CDH19: variants seen among roughly 807,000 people sequenced by gnomAD.
The protein encoded by CDH19 is cadherin 19.
In CDH19, 67 loss-of-function variants were observed where a neutral mutation model predicts 64.2. The ratio of observed to expected loss-of-function variants is 1.04; its 90% CI spans 0.86 to 1.28. The LOEUF is 1.28. Among genes scored for constraint, CDH19 ranks in the 50% most tolerant of loss-of-function variants. CDH19 has a pLI of 0.00. For synonymous variants in CDH19, 346 were observed against 319.3 expected, an observed-to-expected ratio of 1.08 and a Z score of -0.89; for missense variants, 1,030 against 929.0, an observed-to-expected ratio of 1.11 and a Z score of -1.41.
At chr18:66,588,943 C>T (rs1988662225) in intron 1 of CDH19, among the ~76,000 whole-genome samples, 2 of 151,318 alleles carry the variant, frequency 1.3e-5, no homozygotes, top group African/African-American at 2.4e-5. Context: ...ACAAATAATG[C>T]TTCCTACTTC....
chr18:66,511,049 C>G (rs1985457424), intron 10 of CDH19, among the ~76,000 whole-genome samples: 1 of 151,660 alleles, frequency 6.6e-6, no homozygotes, highest in South Asian at 2.1e-4. Flanking sequence ...AATTCTGCCC[C>G]TACAAAAAGT....
chr18:66,538,109 T>C (rs979974224), intron 7 of CDH19, among the ~76,000 whole-genome samples: 3 of 152,108 alleles, frequency 2.0e-5, no homozygotes, highest in Non-Finnish European at 4.4e-5. Context: ...CCCTAAATAG[T>C]ATCCATGTAA....
At chr18:66,525,263 A>T (rs1986176123) in intron 9 of CDH19, among the ~76,000 whole-genome samples, 1 of 152,082 alleles carries the variant, frequency 6.6e-6, no homozygotes, top group Admixed American at 6.6e-5. Context: ...TTTAAAAACT[A>T]CTTATACAGA....
chr18:66,508,964 A>G (rs1371513505), intron 11 of CDH19, 31 bp downstream of exon 11: 1 of 1,592,510 alleles, frequency 6.3e-7, no homozygotes, highest in East Asian at 2.3e-5. Flanking sequence ...TCATAATGCA[A>G]ATGAGAATAG....
At chr18:66,572,855 C>T (rs1044900804) in intron 1 of CDH19, among the ~76,000 whole-genome samples, 1 of 151,632 alleles carries the variant, frequency 6.6e-6, no homozygotes, top group Non-Finnish European at 1.5e-5. Context: ...TACTATAAAA[C>T]ACTGAATAGA....
intron 3 of CDH19, among the ~76,000 whole-genome samples, chr18:66,559,216 T>A (rs1166868499): frequency 6.6e-6 from 1 of 152,014 alleles, no homozygotes; most frequent in African/African-American, 2.4e-5. Context: ...AATTTTTTTA[T>A]ATAAAGGAGA....
At chr18:66,560,172 A>T (rs1463281538) in intron 3 of CDH19, among the ~76,000 whole-genome samples, 1 of 152,134 alleles carries the variant, frequency 6.6e-6, no homozygotes, top group East Asian at 1.9e-4. Context: ...ACTAATAACG[A>T]GCAAACGCCT....
intron 2 of CDH19, 128 bp from the exon 3 acceptor site, chr18:66,568,838 T>C: frequency 1.4e-6 from 1 of 703,374 alleles, no homozygotes; most frequent in Non-Finnish European, 2.3e-6. Context: ...CCACATTACA[T>C]TAAATGAGGC....
Position 66,572,244 on chromosome 18 carries a change from G to C in CDH19, c.-40C>G. 3 of 1,493,846 alleles carry C rather than the reference G, an allele frequency of 2.0e-6. No individual in the cohort carries two copies. The highest frequency in any genetic ancestry group is 2.8e-6 in the Non-Finnish European group (3 of 1,086,326). The allele number at this position is 1,493,846 out of a possible 1,614,324, so 92.5% of individuals were successfully genotyped here. Reference sequence around the variant, plus strand: ...TGATTCCAACTATTACTCTTCAGAGGAAACAGGACGTCACTAACAAAAATC... The same window carrying C: ...TGATTCCAACTATTACTCTTCAGAGCAAACAGGACGTCACTAACAAAAATC... On this transcript the variant is annotated 5_prime_UTR_variant, in exon 2 of 12. Coordinates refer to ENST00000262150, the MANE Select transcript of CDH19 (RefSeq NM_021153.4).
At chr18:66,565,506 A>T (rs1232668658) in intron 3 of CDH19, among the ~76,000 whole-genome samples, 4 of 151,976 alleles carry the variant, frequency 2.6e-5, no homozygotes, top group African/African-American at 9.7e-5. Context: ...AGAATAAAGT[A>T]GCTGGCTAGG....
At chr18:66,515,348 TA>T in intron 9 of CDH19, among the ~76,000 whole-genome samples, 1 of 151,396 alleles carries the variant, frequency 6.6e-6, no homozygotes, top group East Asian at 1.9e-4. Flanking sequence ...GATTTTAAAT[TA>T]CACCTGTTTT....
chr18:66,568,985 T>C (rs1328990991), intron 2 of CDH19, among the ~76,000 whole-genome samples: 1 of 151,718 alleles, frequency 6.6e-6, no homozygotes, highest in Non-Finnish European at 1.5e-5. Flanking sequence ...TTGTAAGTTA[T>C]GCACAACATA....
At position 66,538,167 on chromosome 18, in the gene CDH19, T is replaced by C. The variant is rs545834220; in HGVS notation, c.1215-3060A>G. ...TACATTTCTTCTGAACAGCTATTTTTTTCTCTAGATTTAGAATTGAAATAC... is the reference window on the plus strand; with the variant it reads ...TACATTTCTTCTGAACAGCTATTTTCTTCTCTAGATTTAGAATTGAAATAC... On this transcript the variant is annotated intron_variant, in intron 7 of 11. Coordinates refer to ENST00000262150, the MANE Select transcript of CDH19 (RefSeq NM_021153.4). Among the ~76,000 whole-genome samples, 39 of 152,234 alleles carry C rather than the reference T, an allele frequency of 2.6e-4. 1 individual carries two copies. The South Asian group carries it at 4.4e-3, about 17-fold the overall frequency.
intron 9 of CDH19, among the ~76,000 whole-genome samples, chr18:66,525,773 A>G (rs1361635022): frequency 6.6e-6 from 1 of 152,068 alleles, no homozygotes; most frequent in African/African-American, 2.4e-5. Flanking sequence ...TTCTCCTTGG[A>G]TTTAAATGGA....
At chr18:66,537,773 TAGGTATTAAG>T (rs2144455968) in intron 7 of CDH19, among the ~76,000 whole-genome samples, 1 of 152,176 alleles carries the variant, frequency 6.6e-6, no homozygotes, top group South Asian at 2.1e-4. Context: ...AAGCAAGATC[TAGGTATTAAG>T]AGTTCCCATT....
At chr18:66,576,094 T>C (rs1350672798) in intron 1 of CDH19, among the ~76,000 whole-genome samples, 1 of 150,964 alleles carries the variant, frequency 6.6e-6, no homozygotes, top group Non-Finnish European at 1.5e-5. Flanking sequence ...AACTGAAGCC[T>C]AAAGAATACT....
intron 1 of CDH19, among the ~76,000 whole-genome samples, chr18:66,602,555 A>C (rs1473195530): frequency 6.6e-6 from 1 of 151,904 alleles, no homozygotes; most frequent in African/African-American, 2.4e-5. Flanking sequence ...ATGCTTTTCG[A>C]TATATGCAGA....
intron 1 of CDH19, among the ~76,000 whole-genome samples, chr18:66,594,873 G>A (rs1427680965): frequency 2.0e-5 from 2 of 98,218 alleles, no homozygotes; most frequent in South Asian, 4.3e-4. Context: ...GGGGAGGGGG[G>A]AGGGATAGCA....
At chr18:66,571,575 G>T (rs1021398822) in intron 2 of CDH19, among the ~76,000 whole-genome samples, 13 of 151,364 alleles carry the variant, frequency 8.6e-5, no homozygotes, top group African/African-American at 3.2e-4. Flanking sequence ...AAGTGTGTAG[G>T]CTCCTGAAGC....
Sources: allele counts gnomAD v4.1 joint callset (sites outside exome capture counted in the v4.1 genomes callset), GRCh38; gene constraint gnomAD v4.1.1; transcripts MANE v1.5; gene names NCBI Gene and HGNC (gene_info 2026-07-23, HGNC 2026-07-21).